The following SFMBT2 variants were observed in gnomAD, a reference collection of about 807,000 sequenced individuals.
SFMBT2 encodes the protein Scm like with four mbt domains 2.
A neutral mutation model predicts 110.1 loss-of-function variants in SFMBT2; 38 were observed. The observed-to-expected ratio is 0.35, with a 90% confidence interval of 0.27 to 0.45. The LOEUF is 0.45. SFMBT2 is among the 20% of genes least tolerant of loss of function. SFMBT2 has a pLI of 1.00. For missense variants in SFMBT2, 1,011 were observed against 1,094.9 expected, an observed-to-expected ratio of 0.92 and a Z score of 1.08; for synonymous variants, 425 against 425.4, an observed-to-expected ratio of 1.00 and a Z score of 0.01.
chr10:7,254,958 T>C (rs1212342683), intron 7 of SFMBT2, among the ~76,000 whole-genome samples: 2 of 152,084 alleles, frequency 1.3e-5, no homozygotes, highest in Non-Finnish European at 2.9e-5. Flanking sequence ...GAATAACAAG[T>C]TTTTATGATA....
intron 12 of SFMBT2, chr10:7,204,267 C>T (rs1839056222): frequency 4.8e-6 from 4 of 840,926 alleles, no homozygotes; most frequent in African/African-American, 3.7e-5. Flanking sequence ...ACTAGAGGAG[C>T]CCTGAAACTC....
At chr10:7,369,271 C>A (rs180723435) in intron 3 of SFMBT2, among the ~76,000 whole-genome samples, 184 of 152,332 alleles carry the variant, frequency 1.2e-3, no homozygotes, top group African/African-American at 4.2e-3. Flanking sequence ...TGATGAAACT[C>A]AGGCTGAATC....
chr10:7,381,070 C>CACATACAT lies in SFMBT2; in HGVS notation c.100+721_100+728dup, dbSNP rs34216043. ...CTCAAAACACACACACACACATACA[C>CACATACAT]ACATACATACATACATACATACATA... On this transcript the variant is annotated intron_variant, in intron 2 of 20. Transcript: ENST00000397167. 5.9e-3 allele frequency among the ~76,000 whole-genome samples: 878 copies of CACATACAT among 149,498 alleles called. 5 individuals carry two copies. Among genetic ancestry groups the CACATACAT allele is most frequent in the Middle Eastern group, 0.017 (5 of 292 alleles).
chr10:7,229,009 T>C (rs562274107), intron 9 of SFMBT2, among the ~76,000 whole-genome samples: 33 of 151,864 alleles, frequency 2.2e-4, no homozygotes, highest in African/African-American at 7.7e-4. Context: ...AGGAGTGAGG[T>C]GTCAAAACCT....
intron 3 of SFMBT2, among the ~76,000 whole-genome samples, chr10:7,368,100 A>T (rs1463671865): frequency 6.6e-6 from 1 of 152,240 alleles, no homozygotes; most frequent in Non-Finnish European, 1.5e-5. Context: ...AACAAAAAAG[A>T]ATAAATTTAA....
At chr10:7,347,215 G>A (rs999109036) in intron 4 of SFMBT2, among the ~76,000 whole-genome samples, 4 of 152,166 alleles carry the variant, frequency 2.6e-5, no homozygotes, top group South Asian at 2.1e-4. Flanking sequence ...CCAGGAGACC[G>A]AGTTTTGCTA....
Position 7,171,075 on chromosome 10 carries a change from A to T in SFMBT2, c.2416-19T>A, listed in dbSNP as rs754426857. 8 of 1,613,766 alleles carry T rather than the reference A, an allele frequency of 5.0e-6. No homozygotes were observed. The Admixed American group carries it at 8.3e-5, about 17-fold the overall frequency. The stretch of plus-strand genomic sequence containing the variant: ...TCGTGTCCTGCAGAGAAAGGGCAGG[A>T]GGAGCTCAGCTGCGGCACAGTCAGC... On this transcript the variant is annotated intron_variant, in intron 19 of 20. Transcript: ENST00000397167. The surrounding 1 kb of genome is among the most constrained non-coding windows in gnomAD (Gnocchi z 4.9).
At chr10:7,403,731 A>G (rs1846143364) in intron 1 of SFMBT2, among the ~76,000 whole-genome samples, 1 of 152,174 alleles carries the variant, frequency 6.6e-6, no homozygotes, top group Non-Finnish European at 1.5e-5. Context: ...ATCTTAAGAC[A>G]ATGTATAAGA....
intron 4 of SFMBT2, among the ~76,000 whole-genome samples, chr10:7,358,960 G>A (rs1038675034): frequency 6.6e-6 from 1 of 152,236 alleles, no homozygotes; most frequent in Admixed American, 6.5e-5. Context: ...ATAAGAAGCA[G>A]CAGGGGAGTC....
intron 16 of SFMBT2, among the ~76,000 whole-genome samples, chr10:7,184,796 T>C (rs1838346559): frequency 6.6e-6 from 1 of 152,078 alleles, no homozygotes; most frequent in Non-Finnish European, 1.5e-5. Context: ...CAAGCTGAAC[T>C]CACACCCTCA....
chr10:7,199,408 T>C lies in SFMBT2; in HGVS notation c.1558+1006A>G, dbSNP rs570891306. 5.1e-3 allele frequency among the ~76,000 whole-genome samples: 783 copies of C among 152,284 alleles called. 5 individuals are homozygous for C. Among genetic ancestry groups the C allele is most frequent in the Non-Finnish European group, 8.5e-3 (581 of 68,030 alleles). ...CACAGTGGAATTTCTGCAAAACCAC[T>C]GCTATTAATCTGGGATGGTAATTTA... On this transcript the variant is annotated intron_variant, in intron 14 of 20. Coordinates refer to ENST00000397167, the MANE Select transcript of SFMBT2 (RefSeq NM_001387889.1).
At chr10:7,355,128 C>T (rs1053819332) in intron 4 of SFMBT2, among the ~76,000 whole-genome samples, 10 of 152,102 alleles carry the variant, frequency 6.6e-5, no homozygotes, top group African/African-American at 2.4e-4. Context: ...CATCAAAATA[C>T]GTAAACTGAA....
chr10:7,306,699 T>TA lies in SFMBT2; in HGVS notation c.437-20746dup, dbSNP rs955576716. Among the ~76,000 whole-genome samples the TA allele has an allele frequency of 7.6e-4, 84 of 110,012 alleles. 1 individual carries two copies. The South Asian group carries it at 0.014, about 18-fold the overall frequency. The allele number at this position is 110,012 out of a possible 152,430, so 72.2% of individuals were successfully genotyped here. On this transcript the variant is annotated intron_variant, in intron 4 of 20. Coordinates refer to ENST00000397167, the MANE Select transcript of SFMBT2 (RefSeq NM_001387889.1). ...TATAATATATGCCACAAATAGCAAC[T>TA]AAAAAAAAAATGATACAGAAGATGA...
intron 4 of SFMBT2, among the ~76,000 whole-genome samples, chr10:7,315,040 GAAAGAAAGAA>G (rs1380738935): frequency 5.6e-5 from 4 of 71,402 alleles, no homozygotes; most frequent in African/African-American, 1.9e-4. Flanking sequence ...GAAAGAAAGA[GAAAGAAAGAA>G]AGAAAGAAAG....
At chr10:7,218,617 A>G (rs376779003) in intron 11 of SFMBT2, among the ~76,000 whole-genome samples, 9 of 152,234 alleles carry the variant, frequency 5.9e-5, no homozygotes, top group African/African-American at 7.2e-5. Context: ...TCACTACCCA[A>G]TGAAAACACT....
chr10:7,250,675 T>G (rs1348629323), intron 7 of SFMBT2, among the ~76,000 whole-genome samples: 1 of 152,182 alleles, frequency 6.6e-6, no homozygotes, highest in Non-Finnish European at 1.5e-5. Context: ...TCACAGTGAG[T>G]GAACTAATTT....
rs1210339387 is a variant in SFMBT2 at position 7,172,348 on chromosome 10, C to T, written c.2151+147G>A. On this transcript the variant is annotated intron_variant, in intron 18 of 20. Transcript: ENST00000397167. This position sits in a 1 kb window ranked among gnomAD's most constrained non-coding sequence, Gnocchi z 4.6. ...CTGGACACACTACATTTGTTTTCAG[C>T]AAGTAAGGAGGAGGGGGCTCTTCTT... 2.7e-6 allele frequency: 4 copies of T among 1,482,728 alleles called. No individual in the cohort carries two copies. The African/African-American group carries it at 4.2e-5, about 16-fold the overall frequency. The allele number at this position is 1,482,728 out of a possible 1,614,324, so 91.8% of individuals were successfully genotyped here.
chr10:7,275,182 C>T (rs563646648), intron 7 of SFMBT2, among the ~76,000 whole-genome samples: 9 of 152,348 alleles, frequency 5.9e-5, no homozygotes, highest in Non-Finnish European at 1.0e-4. Context: ...CTGGCAGCTC[C>T]GAGGCTTAGA....
rs1016992621 is a variant in SFMBT2 at position 7,171,425 on chromosome 10, G to A, written c.2416-369C>T. On this transcript the variant is annotated intron_variant, in intron 19 of 20. Coordinates refer to ENST00000397167, the MANE Select transcript of SFMBT2 (RefSeq NM_001387889.1). The surrounding 1 kb of genome is among the most constrained non-coding windows in gnomAD (Gnocchi z 4.9). ...CGAGACAGTGTCCCCCAGTGTTTCT[G>A]TAATGGTGGTGCCAGTGGCCCTTTC... is the stretch of plus-strand genomic sequence containing the variant. The A allele has an allele frequency of 1.4e-5, 14 of 985,336 alleles. No individual in the cohort carries two copies. The highest frequency in any genetic ancestry group is 5.2e-4 in the Middle Eastern group (1 of 1,936). The allele number at this position is 985,336 out of a possible 1,614,324, so 61.0% of individuals were successfully genotyped here. A position where few individuals can be genotyped will look rare whatever the true frequency, so the allele number is the denominator to read the frequency against.
Sources: gnomAD v4.1 joint callset for allele counts (sites outside exome capture counted in the v4.1 genomes callset) on GRCh38, gnomAD v4.1.1 for gene constraint, Gnocchi (gnomAD v3.1) non-coding constraint, MANE v1.5 for transcripts, NCBI Gene and HGNC (gene_info 2026-07-23, HGNC 2026-07-21) for gene names.